Variants in WDR20 observed in about 807,000 individuals in gnomAD.
WDR20 encodes the protein WD repeat domain 20.
Under a neutral mutation model 38.7 loss-of-function variants are expected in WDR20, and 3 were observed. The observed-to-expected ratio is 0.08, with a 90% CI of 0.04 to 0.20. WDR20 has a LOEUF of 0.20. WDR20 is among the 10% of genes least tolerant of loss of function. The pLI is 1.00. For synonymous variants in WDR20, 298 were observed against 285.6 expected (o/e 1.04, Z -0.44); for missense variants, 559 against 727.7 (o/e 0.77, Z 2.67).
intron 1 of WDR20, among the ~76,000 whole-genome samples, chr14:102,173,468 T>G (rs2061416184): frequency 7.1e-6 from 1 of 141,016 alleles, no homozygotes; most frequent in African/African-American, 2.8e-5. Context: ...ATTATTATTA[T>G]TATTATTATT....
chr14:102,144,101 C>T (rs1404431449), intron 1 of WDR20, among the ~76,000 whole-genome samples: 1 of 151,866 alleles, frequency 6.6e-6, no homozygotes, highest in South Asian at 2.1e-4. Flanking sequence ...GCTCTTGAGC[C>T]GAAGAGTTAA....
At chr14:102,206,985 G>A (rs1471985598) in intron 2 of WDR20, among the ~76,000 whole-genome samples, 1 of 152,232 alleles carries the variant, frequency 6.6e-6, no homozygotes, top group Non-Finnish European at 1.5e-5. Flanking sequence ...GCAGCGCTGG[G>A]TTTTAGGTTG....
intron 1 of WDR20, among the ~76,000 whole-genome samples, chr14:102,175,527 C>T (rs144095397): frequency 9.1e-4 from 139 of 152,108 alleles, no homozygotes; most frequent in African/African-American, 3.2e-3. Context: ...CTTGCTTTGG[C>T]TATGTGGGCT....
chr14:102,163,856 G>A (rs1310286395), intron 1 of WDR20, among the ~76,000 whole-genome samples: 1 of 152,092 alleles, frequency 6.6e-6, no homozygotes. Flanking sequence ...CCTTCCAGAA[G>A]CAGGTGGCTT....
At chr14:102,196,766 C>CTCCA (rs750439028) in intron 2 of WDR20, among the ~76,000 whole-genome samples, 35 of 152,166 alleles carry the variant, frequency 2.3e-4, no homozygotes, top group Non-Finnish European at 7.3e-5. Context: ...GAGTTGCAGG[C>CTCCA]TGGAAGGCAG....
rs71395660 is a variant in WDR20, at chr14:102,200,467, T to TTGTGTGTG, written c.432+5381_432+5388dup. 4.1e-3 allele frequency among the ~76,000 whole-genome samples: 488 copies of TTGTGTGTG among 117,726 alleles called. 5 individuals carry two copies. The highest frequency in any genetic ancestry group is 9.6e-3 in the African/African-American group (307 of 32,114). The allele number at this position is 117,726 out of a possible 152,430, so 77.2% of individuals were successfully genotyped here. A position where few individuals can be genotyped will look rare whatever the true frequency, so the allele number is the denominator to read the frequency against. ...GAGTTTACTTTTTAAATTTTTTTTT[T>TTGTGTGTG]TGTGTGTGTGTGTGTGTGTGTGTGT... On this transcript the variant is annotated intron_variant, in intron 2 of 2. Transcript: ENST00000342702.
chr14:102,197,686 A>G, intron 2 of WDR20: 1 of 639,766 alleles, frequency 1.6e-6, no homozygotes, highest in Non-Finnish European at 2.9e-6. Flanking sequence ...TGGAACTGAC[A>G]CTGGAAGATG....
At position 102,222,831 on chromosome 14, in the gene WDR20, G is replaced by C. The variant is rs752072453; in HGVS notation, c.1694G>C (p.Gly565Ala). 1.2e-6 allele frequency: 2 copies of C among 1,614,190 alleles called. No homozygotes were observed. The stretch of plus-strand genomic sequence containing the variant: ...TAATGTAGACTGCTTTGTTTGCAGG[G>C]CTCATTGTCATCCCCAAGCCAGGCC... The change falls in exon 4 of 4, where the codon GGC becomes GCC. Residue 565 changes from glycine to alanine, a missense_variant and splice_region_variant. Coordinates refer to the WDR20 transcript ENST00000335263. The surrounding 1 kb of genome is among the most constrained non-coding windows in gnomAD (Gnocchi z 4.4).
At chr14:102,224,786 G>GT (rs1446855682), downstream of WDR20, 1 of 456,110 alleles carries the variant, frequency 2.2e-6, no homozygotes, top group Non-Finnish European at 4.4e-6. Flanking sequence ...GAACTATGGA[G>GT]TGAGTCTTCT....
In WDR20 at chr14:102,207,184, A is replaced by G. The variant is rs987124585; in HGVS notation, c.433-1419A>G. ...ACACCTGCTGCTGAGTAACTGCCCAATGCATGGTCCCCAGCCCTGGGCCCG... is the reference window on the plus strand; with the variant it reads ...ACACCTGCTGCTGAGTAACTGCCCAGTGCATGGTCCCCAGCCCTGGGCCCG... On this transcript the variant is annotated intron_variant, in intron 2 of 2. Transcript: ENST00000342702. This position sits in a 1 kb window ranked among gnomAD's most constrained non-coding sequence, Gnocchi z 5.0. Among the ~76,000 whole-genome samples, 22 of 152,316 alleles carry G rather than the reference A, an allele frequency of 1.4e-4. No individual in the cohort carries two copies. The highest frequency in any genetic ancestry group is 2.1e-4 in the South Asian group (1 of 4,832).
At chr14:102,216,535 C>CTTA (rs2063240900), downstream of WDR20, among the ~76,000 whole-genome samples, 1 of 152,146 alleles carries the variant, frequency 6.6e-6, no homozygotes, top group African/African-American at 2.4e-5. Context: ...ATTTTAAGCC[C>CTTA]TAAAGACTAT....
chr14:102,161,142 A>ATATATATATATATATATATT (rs1342924049), intron 1 of WDR20, among the ~76,000 whole-genome samples: 2 of 16,052 alleles, frequency 1.2e-4, no homozygotes, highest in African/African-American at 3.2e-4. Context: ...ATATATATAT[A>ATATATATATATATATATATT]TTTTTTTTTT....
chr14:102,142,240 A>G (rs1411606601), intron 1 of WDR20, among the ~76,000 whole-genome samples: 1 of 152,184 alleles, frequency 6.6e-6, no homozygotes, highest in Non-Finnish European at 1.5e-5. Context: ...ATTGTGTTGC[A>G]GATGTTTCTA....
intron 1 of WDR20, among the ~76,000 whole-genome samples, chr14:102,172,710 G>C (rs1349531284): frequency 3.9e-4 from 55 of 141,968 alleles, no homozygotes; most frequent in Middle Eastern, 3.8e-3. Context: ...CCTGGCGGGG[G>C]CTGACCCCCA....
Position 102,140,025 on chromosome 14 carries a change from G to C in WDR20, c.102G>C (p.Arg34=). The C allele has an allele frequency of 6.2e-7, 1 of 1,614,202 alleles. No homozygotes were observed. The highest frequency in any genetic ancestry group is 8.5e-7 in the Non-Finnish European group (1 of 1,180,026). ...YKLLPHSEYS[R]PNRVPFNSQG... is the part of the protein sequence containing the mutation. ...TGCTGCCGCACTCGGAGTACAGCCG[G>C]CCCAACCGGGTGCCCTTCAACTCGC... Residue 34 remains arginine (R), a synonymous_variant, in exon 1 of 3, where the codon CGG becomes CGC. Coordinates refer to ENST00000342702, the MANE Select transcript of WDR20 (RefSeq NM_144574.4).
At chr14:102,169,849 A>G (rs144989461) in intron 1 of WDR20, among the ~76,000 whole-genome samples, 7 of 152,260 alleles carry the variant, frequency 4.6e-5, no homozygotes, top group Admixed American at 1.3e-4. Flanking sequence ...ACTTAGTGAG[A>G]AAGTCTGCAT....
downstream of WDR20, chr14:102,213,115 G>A: frequency 1.0e-6 from 1 of 986,236 alleles, no homozygotes; most frequent in Non-Finnish European, 1.2e-6. Flanking sequence ...CCCTCCTTGG[G>A]TTGGCCTTTT....
At chr14:102,184,550 C>T (rs1253230098) in intron 1 of WDR20, among the ~76,000 whole-genome samples, 1 of 152,076 alleles carries the variant, frequency 6.6e-6, no homozygotes, top group African/African-American at 2.4e-5. Flanking sequence ...CTGCTTTCCC[C>T]TGGTGGCCAC....
chr14:102,193,372 C>A (rs1288285166), intron 1 of WDR20: 3 of 1,367,010 alleles, frequency 2.2e-6, no homozygotes, highest in Non-Finnish European at 3.1e-6. Context: ...TCTCCTCGCT[C>A]CAGTCAGGAC....
Sources: allele counts gnomAD v4.1 joint callset (sites outside exome capture counted in the v4.1 genomes callset), GRCh38; gene constraint gnomAD v4.1.1; non-coding constraint Gnocchi (gnomAD v3.1); transcripts MANE v1.5; gene names NCBI Gene and HGNC (gene_info 2026-07-23, HGNC 2026-07-21).